DISC1: variants seen among roughly 807,000 people sequenced by gnomAD.
DISC1 encodes disrupted in schizophrenia 1 protein.
DISC1 carries 57 observed loss-of-function variants against 84.5 expected under a neutral mutation model. The ratio of observed to expected loss-of-function variants is 0.67; its 90% CI spans 0.55 to 0.84. The LOEUF (loss-of-function observed/expected upper bound fraction) is 0.84. DISC1 is among the 40% of genes least tolerant of loss of function. DISC1 has a pLI of 0.00. For synonymous variants in DISC1, 411 were observed against 415.2 expected, an observed-to-expected ratio of 0.99 and a Z score of 0.12; for missense variants, 1,000 against 1,057.8, an observed-to-expected ratio of 0.95 and a Z score of 0.76.
intron 3 of DISC1, chr1:231,723,440 G>C (rs1046848784): frequency 1.0e-6 from 1 of 985,394 alleles, no homozygotes; most frequent in Non-Finnish European, 1.2e-6. Flanking sequence ...CACTGGCTAC[G>C]ACCTTACTCT....
At chr1:232,004,887 T>TCCCTC (rs1667167163) in intron 10 of DISC1, among the ~76,000 whole-genome samples, 3 of 100,170 alleles carry the variant, frequency 3.0e-5, no homozygotes, top group South Asian at 8.2e-4. Flanking sequence ...CTCCCTCCCT[T>TCCCTC]CCTTCCTTCC....
chr1:231,694,905 C>T (rs1056628683), intron 2 of DISC1, 100 bp downstream of exon 2: 3 of 1,528,828 alleles, frequency 2.0e-6, no homozygotes, highest in East Asian at 4.9e-5. Context: ...CAACTGACTT[C>T]CTCCTGGAAG....
chr1:231,965,335 A>G (rs79643368), intron 10 of DISC1, among the ~76,000 whole-genome samples: 1,697 of 152,090 alleles, frequency 0.011, 15 homozygotes, highest in Middle Eastern at 0.017. Flanking sequence ...TTTTTTTCCA[A>G]TTTCCACCTG....
intron 5 of DISC1, 48 bp from the exon 6 acceptor site, chr1:231,770,787 C>G: frequency 6.3e-7 from 1 of 1,587,132 alleles, no homozygotes; most frequent in South Asian, 1.1e-5. Flanking sequence ...GAGCAGTTTG[C>G]CATGAGCAGG....
At chr1:231,790,863 T>G (rs1433863483) in intron 6 of DISC1, among the ~76,000 whole-genome samples, 2 of 152,076 alleles carry the variant, frequency 1.3e-5, no homozygotes, top group Non-Finnish European at 2.9e-5. Context: ...TGGATTGGGG[T>G]TCACCCTAAT....
intron 1 of DISC1, among the ~76,000 whole-genome samples, chr1:231,637,749 A>G (rs993651974): frequency 1.3e-5 from 2 of 152,226 alleles, no homozygotes; most frequent in Admixed American, 6.5e-5. Context: ...CTGTTGATGA[A>G]CATCTAGGTT....
At chr1:231,657,480 G>A (rs2061202971) in intron 1 of DISC1, among the ~76,000 whole-genome samples, 1 of 152,140 alleles carries the variant, frequency 6.6e-6, no homozygotes, top group Admixed American at 6.5e-5. Context: ...AAGCTCTTTA[G>A]TTTAATTAGA....
In DISC1 at chr1:231,694,005, G is replaced by A; in HGVS notation, c.247G>A (p.Ala83Thr). 6.2e-7 allele frequency: 1 copy of A among 1,614,134 alleles called. No individual in the cohort carries two copies. The highest frequency in any genetic ancestry group is 8.5e-7 in the Non-Finnish European group (1 of 1,179,980). The change falls in exon 2 of 13, where the codon GCC becomes ACC. Residue 83 changes from alanine (A) to threonine (T), a missense_variant. This residue lies in a region of DISC1 where 292 missense variants were observed against 280.2 expected (regional missense o/e 1.04). Transcript: ENST00000439617. ...GGAGTCCCACCACTCGGAGTCCAGG[G>A]CCAGACAGTGTGGCCTTGACTCGAG... ...GEESHHSESR[A>T]RQCGLDSRGL...
intron 11 of DISC1, among the ~76,000 whole-genome samples, chr1:232,013,311 G>A (rs752758440): frequency 6.6e-6 from 1 of 152,126 alleles, no homozygotes; most frequent in Non-Finnish European, 1.5e-5. Context: ...GCAATGTTGA[G>A]TCATTGCGTG....
intron 10 of DISC1, among the ~76,000 whole-genome samples, chr1:231,995,567 A>C: frequency 6.6e-6 from 1 of 150,680 alleles, no homozygotes. Flanking sequence ...TTCAATTCCC[A>C]CCTATGAGTG....
At chr1:231,673,755 C>T (rs150789081) in intron 1 of DISC1, among the ~76,000 whole-genome samples, 3 of 152,328 alleles carry the variant, frequency 2.0e-5, no homozygotes, top group East Asian at 3.9e-4. Context: ...TCGACTGTGT[C>T]GTGTTTCTCT....
At chr1:231,633,129 A>C (rs1362938505) in intron 1 of DISC1, among the ~76,000 whole-genome samples, 1 of 152,218 alleles carries the variant, frequency 6.6e-6, no homozygotes, top group African/African-American at 2.4e-5. Context: ...GTTACACTAA[A>C]TGTCAATGGA....
At chr1:231,726,171 A>T (rs2070660386) in intron 3 of DISC1, among the ~76,000 whole-genome samples, 1 of 152,196 alleles carries the variant, frequency 6.6e-6, no homozygotes, top group Non-Finnish European at 1.5e-5. Flanking sequence ...TTGCTTTTCC[A>T]TGTTATGAAC....
chr1:231,903,811 T>C (rs1449827893), intron 9 of DISC1, among the ~76,000 whole-genome samples: 2 of 152,174 alleles, frequency 1.3e-5, no homozygotes, highest in African/African-American at 4.8e-5. Flanking sequence ...GGGTTGAGTA[T>C]AATAGGAGGT....
chr1:232,029,965 G>T (rs1669845945), intron 12 of DISC1, among the ~76,000 whole-genome samples: 1 of 152,180 alleles, frequency 6.6e-6, no homozygotes, highest in Non-Finnish European at 1.5e-5. Flanking sequence ...AGAGGAAAGA[G>T]CCTTTGCCTC....
intron 6 of DISC1, among the ~76,000 whole-genome samples, chr1:231,784,819 GC>G (rs2077706875): frequency 1.3e-5 from 2 of 152,174 alleles, no homozygotes; most frequent in South Asian, 4.1e-4. Flanking sequence ...GCAAGCAGAG[GC>G]CCTGGTGCTC....
rs1395462842 is a variant in DISC1 at position 232,031,649 on chromosome 1, C to T, written c.2426-5043C>T. On this transcript the variant is annotated intron_variant, in intron 12 of 12. Transcript: ENST00000439617. The surrounding 1 kb of genome is among the most constrained non-coding windows in gnomAD (Gnocchi z 4.6). The stretch of plus-strand genomic sequence containing the variant: ...GCTCTCACTTGGCTTTGGAGTGGGA[C>T]GGGGAAGAGTTGGAGCCCCACAGTG... Among the ~76,000 whole-genome samples, 1 of 152,018 alleles carries T rather than the reference C, an allele frequency of 6.6e-6. No individual in the cohort carries two copies. Among genetic ancestry groups the T allele is most frequent in the African/African-American group, 2.4e-5 (1 of 41,398 alleles).
intron 4 of DISC1, among the ~76,000 whole-genome samples, chr1:231,761,618 C>T (rs2075673021): frequency 6.6e-6 from 1 of 152,210 alleles, no homozygotes; most frequent in South Asian, 2.1e-4. Context: ...CCTGTAGCTA[C>T]TCTGTAGCTA....
chr1:231,980,111 C>T lies in DISC1; in HGVS notation c.2042+21223C>T, dbSNP rs940539049. 6.6e-5 allele frequency among the ~76,000 whole-genome samples: 10 copies of T among 152,306 alleles called. No homozygotes were observed. In the South Asian group the frequency reaches 8.3e-4, roughly 13 times the overall value. On this transcript the variant is annotated intron_variant, in intron 10 of 12. Coordinates refer to ENST00000439617, the MANE Select transcript of DISC1 (RefSeq NM_018662.3). The stretch of plus-strand genomic sequence containing the variant: ...TTCTGTCTCCAACCTGACTTTTATT[C>T]TCTCTTCTACCTTCCATCTATAGAG...
Sources: gnomAD v4.1 joint callset for allele counts (sites outside exome capture counted in the v4.1 genomes callset) on GRCh38, gnomAD v4.1.1 for gene constraint, gnomAD v4.1.1 regional missense constraint, Gnocchi (gnomAD v3.1) non-coding constraint, MANE v1.5 for transcripts, NCBI Gene and HGNC (gene_info 2026-07-23, HGNC 2026-07-21) for gene names.